LMO7: variants seen among roughly 807,000 people sequenced by gnomAD.
LMO7 encodes the protein LIM domain only protein 7.
Under a neutral mutation model 206.5 loss-of-function variants are expected in LMO7, and 120 were observed. The ratio of observed to expected loss-of-function variants is 0.58; its 90% CI spans 0.50 to 0.68. The LOEUF (loss-of-function observed/expected upper bound fraction) is 0.68. Ranked by LOEUF, LMO7 falls within the 30% of genes least tolerant of loss-of-function variation. The pLI, the probability that LMO7 is intolerant of heterozygous loss-of-function variation, is 0.00. For missense variants in LMO7, 1,959 were observed against 1,957.9 expected (o/e 1.00, Z -0.01); for synonymous variants, 706 against 681.5 (o/e 1.04, Z -0.56).
chr13:75,834,169 C>T, intron 16 of LMO7, 57 bp from the exon 17 acceptor site: 2 of 1,329,650 alleles, frequency 1.5e-6, no homozygotes, highest in Non-Finnish European at 1.0e-6. Flanking sequence ...AAAGCAGCAA[C>T]TAATAGAACA....
intron 1 of LMO7, among the ~76,000 whole-genome samples, chr13:75,646,025 G>A (rs572101092): frequency 4.0e-4 from 61 of 152,248 alleles, no homozygotes; most frequent in Non-Finnish European, 7.9e-4. Flanking sequence ...GGTCTGATAA[G>A]CATGTCACGC....
At chr13:75,683,939 C>T (rs539238992) in intron 1 of LMO7, among the ~76,000 whole-genome samples, 3 of 152,198 alleles carry the variant, frequency 2.0e-5, no homozygotes, top group Admixed American at 6.5e-5. Flanking sequence ...ATGAAGCCTC[C>T]AGGTAGCAGG....
chr13:75,747,418 G>C (rs555028726), intron 3 of LMO7, among the ~76,000 whole-genome samples: 3 of 152,126 alleles, frequency 2.0e-5, no homozygotes, highest in African/African-American at 7.2e-5. Flanking sequence ...GGCCTAATAC[G>C]GATGCTACAA....
intron 4 of LMO7, among the ~76,000 whole-genome samples, chr13:75,778,007 G>T (rs1362321859): frequency 1.3e-5 from 2 of 152,074 alleles, no homozygotes; most frequent in Non-Finnish European, 2.9e-5. Flanking sequence ...AATATCTCTA[G>T]CCTGGTTTCT....
intron 3 of LMO7, among the ~76,000 whole-genome samples, chr13:75,737,042 C>T (rs2045883161): frequency 6.6e-6 from 1 of 152,056 alleles, no homozygotes; most frequent in African/African-American, 2.4e-5. Context: ...AGTCCTAAGC[C>T]CCAGTACCTT....
intron 1 of LMO7, among the ~76,000 whole-genome samples, chr13:75,667,095 T>C (rs754021217): frequency 1.3e-5 from 2 of 152,214 alleles, no homozygotes; most frequent in African/African-American, 4.8e-5. Context: ...TATGTGCCAC[T>C]GTTTTCCAAT....
chr13:75,681,739 T>C (rs1276791065), intron 1 of LMO7, among the ~76,000 whole-genome samples: 9 of 139,034 alleles, frequency 6.5e-5, no homozygotes, highest in African/African-American at 1.3e-4. Flanking sequence ...TATATATATA[T>C]ATATATATAT....
At chr13:75,713,779 C>T (rs533650017) in intron 2 of LMO7, among the ~76,000 whole-genome samples, 3 of 152,238 alleles carry the variant, frequency 2.0e-5, no homozygotes, top group African/African-American at 7.2e-5. Context: ...CCAGACTTTG[C>T]TTACAAAGAA....
At chr13:75,630,936 G>A (rs1386910722) in intron 2 of LMO7, among the ~76,000 whole-genome samples, 4 of 152,002 alleles carry the variant, frequency 2.6e-5, no homozygotes, top group South Asian at 4.2e-4. Flanking sequence ...GATTACAGGC[G>A]TGAGCCACCG....
intron 4 of LMO7, among the ~76,000 whole-genome samples, chr13:75,781,988 T>C (rs1198415298): frequency 6.6e-6 from 1 of 152,216 alleles, no homozygotes; most frequent in African/African-American, 2.4e-5. Context: ...GTTTTTTTCT[T>C]GTAAATTTGT....
At chr13:75,752,998 C>T (rs2047392577) in intron 3 of LMO7, among the ~76,000 whole-genome samples, 1 of 151,886 alleles carries the variant, frequency 6.6e-6, no homozygotes, top group African/African-American at 2.4e-5. Flanking sequence ...AGTTCTTTGA[C>T]AGATCTCCAC....
At position 75,819,384 on chromosome 13, in the gene LMO7, TTC is replaced by T. The variant is rs764256305; in HGVS notation, c.2065-7_2065-6del. The T allele has an allele frequency of 6.3e-7, 1 of 1,588,620 alleles. No individual in the cohort carries two copies. The highest frequency in any genetic ancestry group is 1.4e-5 in the African/African-American group (1 of 73,466). ...AGGTGTGCCCCTGCTGATGTGATTT[TTC>T]TGTCAGGACCTTGCAAAATGGAAAG... On this transcript the variant is annotated splice_polypyrimidine_tract_variant and splice_region_variant and intron_variant, in intron 12 of 30. Transcript: ENST00000377534.
At chr13:75,650,840 C>G (rs2037485182) in intron 1 of LMO7, among the ~76,000 whole-genome samples, 1 of 151,964 alleles carries the variant, frequency 6.6e-6, no homozygotes, top group Admixed American at 6.6e-5. Flanking sequence ...GTCTTTGGGT[C>G]ATCTTACTAA....
chr13:75,814,351 A>T (rs997482087), intron 11 of LMO7, among the ~76,000 whole-genome samples: 3 of 152,200 alleles, frequency 2.0e-5, no homozygotes, highest in Non-Finnish European at 4.4e-5. Context: ...CCTAAGCAAC[A>T]CGTGACTTGT....
chr13:75,689,660 C>T (rs2041294007), intron 1 of LMO7, among the ~76,000 whole-genome samples: 1 of 152,190 alleles, frequency 6.6e-6, no homozygotes, highest in Admixed American at 6.5e-5. Context: ...CTTGCTAAGC[C>T]TTCTGGCCTT....
At chr13:75,670,966 C>CTTTTTTTTTTTTTTTTTTT (rs552236505) in intron 1 of LMO7, among the ~76,000 whole-genome samples, 2 of 100,070 alleles carry the variant, frequency 2.0e-5, no homozygotes, top group South Asian at 3.3e-4. Context: ...ATGTTTAAAA[C>CTTTTTTTTTTTTTTTTTTT]TTTTTTTTTT....
Position 75,800,780 on chromosome 13 carries a change from A to G in LMO7, c.559A>G (p.Arg187Gly), listed in dbSNP as rs2054628238. 4 of 1,614,018 alleles carry G rather than the reference A, an allele frequency of 2.5e-6. No homozygotes were observed. In the South Asian group the frequency reaches 4.4e-5, roughly 18 times the overall value. Residue 187 changes from arginine (R) to glycine (G), a missense_variant, in exon 7 of 31, where the codon AGG becomes GGG. Coordinates refer to ENST00000377534, the MANE Select transcript of LMO7 (RefSeq NM_001306080.2). Reference sequence around the variant, plus strand: ...ACGTGGAGAATTTCTTGCTCCTCCAAGGCACCATAAGAGAGAAGATTCCTT... The same window carrying G: ...ACGTGGAGAATTTCTTGCTCCTCCAGGGCACCATAAGAGAGAAGATTCCTT... ...PERGEFLAPP[R>G]HHKREDSFES...
intron 3 of LMO7, among the ~76,000 whole-genome samples, chr13:75,747,507 C>T (rs1363447408): frequency 1.3e-5 from 2 of 152,180 alleles, no homozygotes; most frequent in African/African-American, 4.8e-5. Flanking sequence ...CTGCCAATCA[C>T]ATTTTATCTT....
Position 75,764,907 on chromosome 13 carries a change from A to C in LMO7, c.317+3869A>C, listed in dbSNP as rs187841889. Among the ~76,000 whole-genome samples, 231 of 152,242 alleles carry C rather than the reference A, an allele frequency of 1.5e-3. 1 individual carries two copies. The highest frequency in any genetic ancestry group is 5.3e-3 in the African/African-American group (220 of 41,560). ...TATTTTAAGTATAAAGTATAACTTT[A>C]AGTAAACATTGATATTAACGGAGTT... On this transcript the variant is annotated intron_variant, in intron 4 of 30. Transcript: ENST00000377534.
Sources: gnomAD v4.1 joint callset for allele counts (sites outside exome capture counted in the v4.1 genomes callset) on GRCh38, gnomAD v4.1.1 for gene constraint, MANE v1.5 for transcripts, NCBI Gene and HGNC (gene_info 2026-07-23, HGNC 2026-07-21) for gene names.